GRB14: variants seen among roughly 807,000 people sequenced by gnomAD.
The protein encoded by GRB14 is growth factor receptor bound protein 14, also known as growth factor receptor-bound protein 14.
Under a neutral mutation model 69.1 loss-of-function variants are expected in GRB14, and 38 were observed. The observed-to-expected ratio is 0.55, with a 90% CI of 0.42 to 0.72. The LOEUF is 0.72. GRB14 is among the 30% of genes least tolerant of loss of function. The pLI is 0.00. For synonymous variants in GRB14, 247 were observed against 241.3 expected, an observed-to-expected ratio of 1.02 and a Z score of -0.22; for missense variants, 666 against 666.1, an observed-to-expected ratio of 1.00 and a Z score of 0.00.
At chr2:164,519,162 G>A (rs1017841338) in intron 6 of GRB14, among the ~76,000 whole-genome samples, 1 of 152,134 alleles carries the variant, frequency 6.6e-6, no homozygotes, top group Non-Finnish European at 1.5e-5. Context: ...ATATTGAAAA[G>A]ATAATCCACC....
At chr2:164,517,164 C>A (rs184563142) in intron 6 of GRB14, among the ~76,000 whole-genome samples, 35 of 152,270 alleles carry the variant, frequency 2.3e-4, no homozygotes, top group Middle Eastern at 3.4e-3. Flanking sequence ...GTGAAAGGCA[C>A]ATCTCACATG....
intron 2 of GRB14, among the ~76,000 whole-genome samples, chr2:164,559,025 T>C (rs564652881): frequency 1.8e-4 from 27 of 152,328 alleles, no homozygotes; most frequent in African/African-American, 6.0e-4. Context: ...TTACCCTTAA[T>C]GGTATGTTAT....
At chr2:164,574,818 C>A (rs1230128271) in intron 2 of GRB14, among the ~76,000 whole-genome samples, 3 of 151,848 alleles carry the variant, frequency 2.0e-5, no homozygotes, top group South Asian at 4.2e-4. Flanking sequence ...GTGGTGAGCA[C>A]CTGTAGTTCC....
chr2:164,519,026 C>T (rs910089866), intron 6 of GRB14, among the ~76,000 whole-genome samples: 2 of 152,062 alleles, frequency 1.3e-5, no homozygotes, highest in Non-Finnish European at 2.9e-5. Flanking sequence ...TTCTATGAAG[C>T]CAGTATCACC....
chr2:164,591,369 T>C (rs998229115), intron 2 of GRB14, among the ~76,000 whole-genome samples: 8 of 152,178 alleles, frequency 5.3e-5, no homozygotes, highest in Admixed American at 2.0e-4. Context: ...AAAATTGCTA[T>C]TCTCTTTCTA....
At chr2:164,606,735 G>A (rs1224080818) in intron 2 of GRB14, among the ~76,000 whole-genome samples, 1 of 152,106 alleles carries the variant, frequency 6.6e-6, no homozygotes, top group Non-Finnish European at 1.5e-5. Context: ...GCACAGCACA[G>A]TAAGACTACT....
At chr2:164,529,562 C>A (rs1463635779) in intron 3 of GRB14, among the ~76,000 whole-genome samples, 2 of 152,178 alleles carry the variant, frequency 1.3e-5, no homozygotes, top group African/African-American at 4.8e-5. Context: ...ACCTTTGCAA[C>A]TTTCTCTACG....
chr2:164,502,479 A>G, intron 8 of GRB14, 144 bp from the exon 9 acceptor site: 1 of 561,434 alleles, frequency 1.8e-6, no homozygotes. Flanking sequence ...TTGAAAGATG[A>G]ACTTTTAGTG....
intron 2 of GRB14, among the ~76,000 whole-genome samples, chr2:164,575,910 T>C (rs1689241460): frequency 6.6e-6 from 1 of 152,138 alleles, no homozygotes; most frequent in Admixed American, 6.6e-5. Flanking sequence ...AACTTTTATG[T>C]TATCTCAGAG....
intron 2 of GRB14, among the ~76,000 whole-genome samples, chr2:164,604,530 C>A (rs747498205): frequency 2.6e-5 from 4 of 151,840 alleles, no homozygotes; most frequent in Admixed American, 6.6e-5. Context: ...AGGATACTCA[C>A]CAACCTCAGA....
At chr2:164,524,910 T>C in intron 5 of GRB14, 94 bp downstream of exon 5, 1 of 688,302 alleles carries the variant, frequency 1.5e-6, no homozygotes, top group Non-Finnish European at 2.4e-6. Flanking sequence ...ATTCAAAGCA[T>C]AACTTTTCAA....
intron 3 of GRB14, among the ~76,000 whole-genome samples, chr2:164,543,021 G>T (rs1192823093): frequency 6.6e-6 from 1 of 152,084 alleles, no homozygotes; most frequent in Admixed American, 6.5e-5. Flanking sequence ...GGCCAGGCAT[G>T]GTGGCTCACA....
intron 3 of GRB14, 53 bp downstream of exon 3, chr2:164,547,607 C>A: frequency 7.0e-7 from 1 of 1,423,770 alleles, no homozygotes; most frequent in Non-Finnish European, 9.6e-7. Context: ...CAAGAGGGAG[C>A]TGAACAAGAA....
chr2:164,521,034 T>C (rs1457799796), intron 6 of GRB14, among the ~76,000 whole-genome samples: 1 of 152,126 alleles, frequency 6.6e-6, no homozygotes, highest in Admixed American at 6.6e-5. Context: ...GAAGTCATTA[T>C]ATGAAAAAGA....
intron 3 of GRB14, among the ~76,000 whole-genome samples, chr2:164,540,273 C>T (rs1688197793): frequency 6.6e-6 from 1 of 152,184 alleles, no homozygotes; most frequent in Admixed American, 6.5e-5. Context: ...TTTCTCTACT[C>T]AAACATCACT....
chr2:164,574,451 G>C (rs1007632270), intron 2 of GRB14, among the ~76,000 whole-genome samples: 1 of 151,996 alleles, frequency 6.6e-6, no homozygotes, highest in Non-Finnish European at 1.5e-5. Context: ...ACGTTGGCCA[G>C]GATGGTCTCA....
chr2:164,555,318 GA>G (rs1429610399), intron 2 of GRB14, among the ~76,000 whole-genome samples: 1 of 152,202 alleles, frequency 6.6e-6, no homozygotes, highest in Non-Finnish European at 1.5e-5. Flanking sequence ...GCCATGACTG[GA>G]AAGTCATTAA....
intron 3 of GRB14, among the ~76,000 whole-genome samples, chr2:164,527,830 G>T (rs1003008225): frequency 6.6e-6 from 1 of 152,000 alleles, no homozygotes; most frequent in African/African-American, 2.4e-5. Flanking sequence ...AGCAAAGGCA[G>T]TTTTAAAGAG....
chr2:164,577,013 A>T (rs1055414380), intron 2 of GRB14, among the ~76,000 whole-genome samples: 4 of 152,126 alleles, frequency 2.6e-5, no homozygotes, highest in African/African-American at 9.7e-5. Flanking sequence ...ATTTTATGCA[A>T]AAAAACATAA....
Sources: allele counts gnomAD v4.1 joint callset (sites outside exome capture counted in the v4.1 genomes callset), GRCh38; gene constraint gnomAD v4.1.1; transcripts MANE v1.5; gene names NCBI Gene and HGNC (gene_info 2026-07-23, HGNC 2026-07-21).